The following PDE4D variants were observed in gnomAD, a reference collection of about 807,000 sequenced individuals.
PDE4D encodes phosphodiesterase 4D, also known as 3',5'-cyclic-AMP phosphodiesterase 4D.
PDE4D carries 24 observed loss-of-function variants against 87.4 expected under a neutral mutation model. The observed-to-expected ratio is 0.27, with a 90% CI of 0.20 to 0.39. The LOEUF (loss-of-function observed/expected upper bound fraction) is 0.39, where lower values mean the gene tolerates loss of function less well. Ranked by LOEUF, PDE4D falls within the 10% of genes least tolerant of loss-of-function variation. PDE4D has a pLI of 1.00. For synonymous variants in PDE4D, 384 were observed against 383.2 expected (o/e 1.00, Z -0.02); for missense variants, 714 against 1,041.0 (o/e 0.69, Z 4.32).
At chr5:59,055,494 T>G (rs1412200432) in intron 5 of PDE4D, among the ~76,000 whole-genome samples, 1 of 152,156 alleles carries the variant, frequency 6.6e-6, no homozygotes, top group African/African-American at 2.4e-5. Context: ...CTCTATCTTT[T>G]GTCAGCAAGT....
intron 1 of PDE4D, among the ~76,000 whole-genome samples, chr5:59,566,321 C>T (rs1382890660): frequency 1.3e-5 from 2 of 152,132 alleles, no homozygotes; most frequent in Non-Finnish European, 2.9e-5. Flanking sequence ...CTTCTGCTGC[C>T]TTTATATTAA....
At chr5:59,244,571 T>C (rs1486061602) in intron 1 of PDE4D, among the ~76,000 whole-genome samples, 1 of 150,022 alleles carries the variant, frequency 6.7e-6, no homozygotes, top group Non-Finnish European at 1.5e-5. Context: ...TGTACACACA[T>C]ATGTATACAC....
intron 1 of PDE4D, among the ~76,000 whole-genome samples, chr5:59,574,005 A>AAATATAT (rs1266408182): frequency 3.3e-5 from 4 of 119,684 alleles, no homozygotes; most frequent in African/African-American, 1.4e-4. Context: ...CTCAAAAAAA[A>AAATATAT]ATATATATAT....
upstream of PDE4D, among the ~76,000 whole-genome samples, chr5:59,896,716 C>A (rs745612051): frequency 1.3e-5 from 2 of 152,178 alleles, no homozygotes; most frequent in South Asian, 4.1e-4. Flanking sequence ...GTTGACTCGC[C>A]CTTGTGTCTC....
intron 1 of PDE4D, among the ~76,000 whole-genome samples, chr5:59,723,858 T>C (rs971630526): frequency 5.9e-5 from 9 of 152,186 alleles, no homozygotes; most frequent in African/African-American, 2.2e-4. Flanking sequence ...CTCCTTGTAG[T>C]TAATTACATT....
intron 1 of PDE4D, among the ~76,000 whole-genome samples, chr5:60,278,219 A>T (rs1751562377): frequency 6.8e-6 from 1 of 147,420 alleles, no homozygotes; most frequent in Non-Finnish European, 1.5e-5. Flanking sequence ...TTCAGCACAT[A>T]AAAAAAAATG....
At chr5:60,410,207 C>T (rs1361132824) in intron 1 of PDE4D, among the ~76,000 whole-genome samples, 2 of 152,066 alleles carry the variant, frequency 1.3e-5, no homozygotes, top group African/African-American at 4.8e-5. Flanking sequence ...GTGATGGCAC[C>T]CTAGCAAAGG....
At chr5:59,822,958 T>C (rs765578263) in intron 1 of PDE4D, among the ~76,000 whole-genome samples, 1 of 152,226 alleles carries the variant, frequency 6.6e-6, no homozygotes, top group Non-Finnish European at 1.5e-5. Flanking sequence ...TAATTGCCAT[T>C]TTTCCTAATG....
chr5:59,636,167 C>T (rs2150169824), intron 1 of PDE4D, among the ~76,000 whole-genome samples: 1 of 152,282 alleles, frequency 6.6e-6, no homozygotes, highest in African/African-American at 2.4e-5. Flanking sequence ...ACGAATACAA[C>T]TTACAAGGGA....
chr5:59,529,265 G>A, intron 1 of PDE4D: 1 of 449,418 alleles, frequency 2.2e-6, no homozygotes, highest in Non-Finnish European at 4.4e-6. Context: ...GTCTGGCAAT[G>A]ATGACTATAA....
At chr5:59,798,556 G>A (rs1766770564) in intron 1 of PDE4D, among the ~76,000 whole-genome samples, 1 of 152,100 alleles carries the variant, frequency 6.6e-6, no homozygotes, top group Admixed American at 6.6e-5. Flanking sequence ...AATTTTTGAA[G>A]TAGGAGAGGT....
At chr5:59,864,146 C>T (rs984815705) in intron 1 of PDE4D, among the ~76,000 whole-genome samples, 3 of 152,076 alleles carry the variant, frequency 2.0e-5, no homozygotes, top group South Asian at 2.1e-4. Context: ...GGCATTAGTG[C>T]GATGTGCGGG....
Position 60,235,325 on chromosome 5 carries a change from A to T in PDE4D, c.-89-49638T>A, listed in dbSNP as rs531235692. Among the ~76,000 whole-genome samples the T allele has an allele frequency of 1.1e-4, 17 of 151,968 alleles. No individual in the cohort carries two copies. In the East Asian group the frequency reaches 1.2e-3, roughly 10 times the overall value. ...ATAGTGACCCCATTATGAAATCCAG[A>T]AGAAGTGTGTGAGGTATTTATAAGA... is the stretch of plus-strand genomic sequence containing the variant. On this transcript the variant is annotated intron_variant, in intron 1 of 16. Transcript: ENST00000502484.
intron 1 of PDE4D, among the ~76,000 whole-genome samples, chr5:60,360,991 T>C (rs777950273): frequency 2.0e-5 from 3 of 152,198 alleles, no homozygotes; most frequent in Non-Finnish European, 2.9e-5. Flanking sequence ...AACATCACTA[T>C]CGCCAGTGCT....
At chr5:60,260,809 T>G (rs193150723) in intron 1 of PDE4D, among the ~76,000 whole-genome samples, 1 of 152,256 alleles carries the variant, frequency 6.6e-6, no homozygotes, top group East Asian at 1.9e-4. Flanking sequence ...ATGTGTCTTC[T>G]GTACTAGAAG....
intron 1 of PDE4D, among the ~76,000 whole-genome samples, chr5:60,369,745 C>T (rs1760856582): frequency 6.6e-6 from 1 of 152,136 alleles, no homozygotes; most frequent in Non-Finnish European, 1.5e-5. Flanking sequence ...CACCCCAGAA[C>T]AAGGCAGAGT....
At chr5:59,276,569 C>T (rs933022980) in intron 1 of PDE4D, among the ~76,000 whole-genome samples, 1 of 152,024 alleles carries the variant, frequency 6.6e-6, no homozygotes, top group Non-Finnish European at 1.5e-5. Context: ...CTTAAAAATT[C>T]AGCAGAGTGT....
intron 5 of PDE4D, among the ~76,000 whole-genome samples, chr5:59,093,345 G>A (rs183524596): frequency 4.3e-4 from 65 of 152,228 alleles, no homozygotes; most frequent in Admixed American, 1.4e-3. Context: ...GGAGGAAATC[G>A]GCTAGAGAGA....
intron 1 of PDE4D, among the ~76,000 whole-genome samples, chr5:59,611,203 T>C (rs1372766706): frequency 6.6e-6 from 1 of 152,176 alleles, no homozygotes; most frequent in African/African-American, 2.4e-5. Flanking sequence ...TATCTGGTGA[T>C]GGTTTACTTC....
Sources: gnomAD v4.1 joint callset for allele counts (sites outside exome capture counted in the v4.1 genomes callset) on GRCh38, gnomAD v4.1.1 for gene constraint, MANE v1.5 for transcripts, NCBI Gene and HGNC (gene_info 2026-07-23, HGNC 2026-07-21) for gene names.